TET3: variants seen among roughly 807,000 people sequenced by gnomAD.
The protein encoded by TET3 is methylcytosine dioxygenase TET3.
In TET3, 19 loss-of-function variants were observed where a neutral mutation model predicts 141.4. The ratio of observed to expected loss-of-function variants is 0.13; its 90% CI spans 0.09 to 0.20. The LOEUF (loss-of-function observed/expected upper bound fraction) is 0.20. TET3 is among the 10% of genes least tolerant of loss of function. The probability of loss-of-function intolerance (pLI) is 1.00; values close to 1 mark genes in which losing one functional copy is unlikely to be tolerated. For missense variants in TET3, 1,874 were observed against 2,356.9 expected (o/e 0.80, Z 4.24); for synonymous variants, 1,043 against 980.9 (o/e 1.06, Z -1.18).
At chr2:74,065,615 C>T (rs989041824) in intron 4 of TET3, among the ~76,000 whole-genome samples, 1 of 139,972 alleles carries the variant, frequency 7.1e-6, no homozygotes, top group Non-Finnish European at 1.6e-5. Context: ...TCCGTCCGTC[C>T]GTCCGTCCTT....
At chr2:74,062,268 A>G (rs1017746316) in intron 4 of TET3, among the ~76,000 whole-genome samples, 1 of 152,250 alleles carries the variant, frequency 6.6e-6, no homozygotes, top group Non-Finnish European at 1.5e-5. Flanking sequence ...AAAAAAATCC[A>G]TAAAAACATT....
chr2:73,990,929 G>C (rs1237386390), intron 2 of TET3, among the ~76,000 whole-genome samples: 2 of 152,086 alleles, frequency 1.3e-5, no homozygotes, highest in Admixed American at 6.5e-5. Flanking sequence ...GAAAGGGACC[G>C]CATCTGAGCA....
rs186759014 is a variant in TET3, at chr2:74,096,977, C to T, written c.3268-2299C>T. Reference sequence around the variant, plus strand: ...GCGTGGTTGTGCATGCTTGTAGTCCCAGCTACTCAGGAGGCTGAGATGGGA... The same window carrying T: ...GCGTGGTTGTGCATGCTTGTAGTCCTAGCTACTCAGGAGGCTGAGATGGGA... On this transcript the variant is annotated intron_variant, in intron 10 of 11. Transcript: ENST00000409262. Among the ~76,000 whole-genome samples the T allele has an allele frequency of 4.4e-3, 665 of 151,742 alleles. 11 individuals carry two copies. The highest frequency in any genetic ancestry group is 0.016 in the African/African-American group (642 of 41,334).
Position 74,047,667 on chromosome 2 carries a change from A to G in TET3, c.1750A>G (p.Thr584Ala). The G allele has an allele frequency of 6.2e-7, 1 of 1,613,392 alleles. No individual in the cohort carries two copies. The highest frequency in any genetic ancestry group is 8.5e-7 in the Non-Finnish European group (1 of 1,179,652). Reference protein sequence around the residue: ...PPKEKKKKLPTPAGGPVGTEK... With the variant: ...PPKEKKKKLPAPAGGPVGTEK... ...CAAGGAGAAGAAGAAGAAGCTCCCAACACCAGCTGGAGGTCCCGTGGGAAC... is the reference window on the plus strand; with the variant it reads ...CAAGGAGAAGAAGAAGAAGCTCCCAGCACCAGCTGGAGGTCCCGTGGGAAC... The change falls in exon 4 of 12, where the codon ACA becomes GCA. Residue 584 changes from threonine (T) to alanine (A), a missense_variant. Physicochemically the swap from Thr to Ala is moderately conservative, Grantham distance 58 (BLOSUM62 0). Coordinates refer to ENST00000409262, the MANE Select transcript of TET3 (RefSeq NM_001287491.2).
chr2:74,088,128 C>T, intron 7 of TET3, 90 bp downstream of exon 7: 5 of 1,314,518 alleles, frequency 3.8e-6, no homozygotes, highest in Non-Finnish European at 5.2e-6. Flanking sequence ...GGGGAAGGCT[C>T]CTAGGGGCCC....
intron 4 of TET3, 117 bp from the exon 5 acceptor site, chr2:74,073,432 C>T: frequency 1.6e-6 from 1 of 639,438 alleles, no homozygotes. Flanking sequence ...GTTCATAAGC[C>T]ATGTGGGTTT....
chr2:74,021,232 A>G, intron 3 of TET3, among the ~76,000 whole-genome samples: 1 of 152,204 alleles, frequency 6.6e-6, no homozygotes, highest in East Asian at 1.9e-4. Flanking sequence ...CATCTCTGCC[A>G]GCTCTGGAGG....
chr2:74,128,984 T>C, the TET3 span, among the ~76,000 whole-genome samples: 1 of 98,590 alleles, frequency 1.0e-5, no homozygotes, highest in Non-Finnish European at 1.8e-5. Flanking sequence ...AGAGATCCTG[T>C]CTCAATTTAA....
chr2:74,019,493 T>C (rs1416011786), intron 3 of TET3, among the ~76,000 whole-genome samples: 1 of 152,216 alleles, frequency 6.6e-6, no homozygotes, highest in Non-Finnish European at 1.5e-5. Context: ...GTATATTGTC[T>C]GTACCTCCGT....
chr2:74,027,671 C>A (rs1467615726), intron 3 of TET3, among the ~76,000 whole-genome samples: 1 of 152,176 alleles, frequency 6.6e-6, no homozygotes, highest in Non-Finnish European at 1.5e-5. Context: ...CAAGGTTCAT[C>A]CATGTTGTAG....
intron 3 of TET3, among the ~76,000 whole-genome samples, chr2:74,038,568 T>C (rs1223195781): frequency 6.6e-6 from 1 of 152,120 alleles, no homozygotes; most frequent in Non-Finnish European, 1.5e-5. Context: ...TTTGCAGACC[T>C]CTACCATGTG....
At chr2:74,124,307 AG>A in the TET3 span, among the ~76,000 whole-genome samples, 2 of 131,468 alleles carry the variant, frequency 1.5e-5, no homozygotes, top group Non-Finnish European at 3.2e-5. Context: ...TCTGGGAGGG[AG>A]GTGGGGGGTC....
At position 74,099,401 on chromosome 2, in the gene TET3, T is replaced by C. The variant is rs1342033684; in HGVS notation, c.3393T>C (p.Asn1131=). The change falls in exon 11 of 12, where the codon AAT becomes AAC. Residue 1131 remains asparagine, a synonymous_variant. Transcript: ENST00000409262. Reference sequence around the variant, plus strand: ...AGTTTGGTAGCGAGGAGAACCAGAATGCAAAGGTGGGCAGCGGAGCCATCC... The same window carrying C: ...AGTTTGGTAGCGAGGAGAACCAGAACGCAAAGGTGGGCAGCGGAGCCATCC... ...TDEFGSEENQ[N]AKVGSGAIQV... 2 of 1,613,840 alleles carry C rather than the reference T, an allele frequency of 1.2e-6. No homozygotes were observed. Among genetic ancestry groups the C allele is most frequent in the Admixed American group, 1.7e-5 (1 of 59,996 alleles).
chr2:74,062,089 T>C (rs1688625471), intron 4 of TET3, among the ~76,000 whole-genome samples: 1 of 152,174 alleles, frequency 6.6e-6, no homozygotes, highest in Admixed American at 6.5e-5. Context: ...GTGGAGGTTG[T>C]AGCGAGCCGA....
chr2:74,113,885 A>G, the TET3 span, among the ~76,000 whole-genome samples: 1 of 152,206 alleles, frequency 6.6e-6, no homozygotes, highest in African/African-American at 2.4e-5. Flanking sequence ...TACCCAAAGC[A>G]AGCTACATAT....
At chr2:74,099,045 C>T (rs1406289194) in intron 10 of TET3, among the ~76,000 whole-genome samples, 1 of 152,192 alleles carries the variant, frequency 6.6e-6, no homozygotes, top group East Asian at 1.9e-4. Context: ...TTCTTAGGAT[C>T]ATAGGAGATA....
At chr2:74,055,688 G>A (rs902938315) in intron 4 of TET3, among the ~76,000 whole-genome samples, 1 of 152,192 alleles carries the variant, frequency 6.6e-6, no homozygotes, top group African/African-American at 2.4e-5. Context: ...TCCCCTAAAG[G>A]CAGTATTGAG....
intron 2 of TET3, among the ~76,000 whole-genome samples, chr2:73,995,566 T>A (rs1684550939): frequency 6.6e-6 from 1 of 152,196 alleles, no homozygotes; most frequent in African/African-American, 2.4e-5. Flanking sequence ...AGGTAGCTAT[T>A]TAAATTTAAA....
chr2:74,074,496 G>T (rs546645737), intron 5 of TET3, among the ~76,000 whole-genome samples: 2 of 152,276 alleles, frequency 1.3e-5, no homozygotes, highest in Non-Finnish European at 2.9e-5. Flanking sequence ...TCATGCAGAT[G>T]GAGACTTGGA....
Sources: gnomAD v4.1 joint callset for allele counts (sites outside exome capture counted in the v4.1 genomes callset) on GRCh38, gnomAD v4.1.1 for gene constraint, MANE v1.5 for transcripts, NCBI Gene and HGNC (gene_info 2026-07-23, HGNC 2026-07-21) for gene names.